Variants in BTG2 observed in about 807,000 individuals in gnomAD.
BTG2 encodes the protein BTG anti-proliferation factor 2.
In BTG2, 9 loss-of-function variants were observed where a neutral mutation model predicts 13.1. That is an observed-to-expected ratio of 0.69 (90% CI 0.41 to 1.20). BTG2 has a LOEUF of 1.20. Among genes scored for constraint, BTG2 ranks in the 50% most tolerant of loss-of-function variants. The probability of loss-of-function intolerance (pLI) is 0.00; values close to 1 mark genes in which losing one functional copy is unlikely to be tolerated. For missense variants in BTG2, 200 were observed against 209.5 expected (o/e 0.95, Z 0.28); for synonymous variants, 92 against 88.6 (o/e 1.04, Z -0.21).
chr1:203,305,925 C>G (rs56053496), intron 1 of BTG2, among the ~76,000 whole-genome samples, 177 bp downstream of exon 1: 1 of 152,296 alleles, frequency 6.6e-6, no homozygotes, highest in African/African-American at 2.4e-5. Flanking sequence ...TCCTCCCCAG[C>G]CCTGTGCTCG....
Position 203,307,643 on chromosome 1 carries a change from G to A in BTG2, c.*205G>A. 1 of 395,264 alleles carries A rather than the reference G, an allele frequency of 2.5e-6. No homozygotes were observed. The highest frequency in any genetic ancestry group is 4.4e-6 in the Non-Finnish European group (1 of 228,174). The allele number at this position is 395,264 out of a possible 1,614,324, so 24.5% of individuals were successfully genotyped here. On this transcript the variant is annotated 3_prime_UTR_variant, in exon 2 of 2. Coordinates refer to ENST00000290551, the MANE Select transcript of BTG2 (RefSeq NM_006763.3). ...GAGCTGCTTGGAAGTGGCCTCCCCAGGTGCCTTTGGAGAGAACTGTTGCGT... is the reference window on the plus strand; with the variant it reads ...GAGCTGCTTGGAAGTGGCCTCCCCAAGTGCCTTTGGAGAGAACTGTTGCGT...
chr1:203,305,534 G>T lies in BTG2; in HGVS notation c.-73G>T. 2 of 1,505,256 alleles carry T rather than the reference G, an allele frequency of 1.3e-6. No individual in the cohort carries two copies. The highest frequency in any genetic ancestry group is 8.9e-7 in the Non-Finnish European group (1 of 1,122,902). The allele number at this position is 1,505,256 out of a possible 1,614,324, so 93.2% of individuals were successfully genotyped here. ...AAGTCCGGGCAGAGCCCGAGCAGCG[G>T]CCAGGGTAACGCTGTCTTGTGGACC... On this transcript the variant is annotated 5_prime_UTR_variant, in exon 1 of 2. Transcript: ENST00000290551.
At chr1:203,306,050 G>A (rs541712261) in intron 1 of BTG2, among the ~76,000 whole-genome samples, 2 of 152,310 alleles carry the variant, frequency 1.3e-5, no homozygotes, top group African/African-American at 2.4e-5. Context: ...CTCATTACGG[G>A]CTCGTCTCCC....
intron 1 of BTG2, among the ~76,000 whole-genome samples, chr1:203,306,092 A>G (rs1658256325): frequency 1.3e-5 from 2 of 151,886 alleles, no homozygotes; most frequent in East Asian, 1.9e-4. Context: ...AAGACCCTCG[A>G]TGGATGTTGT....
In BTG2 at chr1:203,307,428, T is replaced by G. The variant is rs1460397779; in HGVS notation, c.467T>G (p.Val156Gly). 1 of 1,587,818 alleles carries G rather than the reference T, an allele frequency of 6.3e-7. No homozygotes were observed. ...CCCTCCAAGAACTACGTGATGGCAG[T>G]CTCCAGCTAGGCCCTTCCGCCCCCG... Reference protein sequence around the residue: ...SSPSKNYVMAVSS With the variant: ...SSPSKNYVMAGSS Residue 156 changes from valine to glycine, a missense_variant, in exon 2 of 2, where the codon GTC (valine) becomes GGC (glycine). By Grantham distance (109) the Val-to-Gly change is moderately radical (BLOSUM62 -3). Transcript: ENST00000290551.
At chr1:203,305,933 T>A in intron 1 of BTG2, among the ~76,000 whole-genome samples, 185 bp downstream of exon 1, 1 of 152,166 alleles carries the variant, frequency 6.6e-6, no homozygotes, top group South Asian at 2.1e-4. Context: ...AGCCCTGTGC[T>A]CGGGTCTCGG....
chr1:203,309,556 C>A lies in BTG2; in HGVS notation c.*2118C>A, dbSNP rs1393991304. On this transcript the variant is annotated 3_prime_UTR_variant, in exon 2 of 2. Transcript: ENST00000290551. ...TATGGAAGAATGTACAGCTTATGGA[C>A]AAATGTACACCTTTTTGTTACTTTA... 6.6e-6 allele frequency: 1 copy of A among 152,614 alleles called. No homozygotes were observed. Among genetic ancestry groups the A allele is most frequent in the African/African-American group, 2.4e-5 (1 of 41,442 alleles). 9.5% of individuals were successfully genotyped at this position (152,614 alleles called of 1,614,324 possible).
chr1:203,306,224 A>G (rs1658268650), intron 1 of BTG2, among the ~76,000 whole-genome samples: 3 of 152,270 alleles, frequency 2.0e-5, no homozygotes, highest in South Asian at 2.1e-4. Flanking sequence ...TGCCTGGGGT[A>G]GTCCACTGGT....
intron 1 of BTG2, among the ~76,000 whole-genome samples, chr1:203,306,093 T>G (rs1658256360): frequency 6.6e-6 from 1 of 151,812 alleles, no homozygotes; most frequent in African/African-American, 2.4e-5. Flanking sequence ...AGACCCTCGA[T>G]GGATGTTGTT....
chr1:203,307,392 G>A lies in BTG2; in HGVS notation c.431G>A (p.Gly144Asp). Residue 144 changes from glycine to aspartate, a missense_variant, in exon 2 of 2, where the codon GGC (glycine) becomes GAC (aspartate). Gly to Asp is a moderately conservative substitution (Grantham distance 94). Coordinates refer to ENST00000290551, the MANE Select transcript of BTG2 (RefSeq NM_006763.3). The part of the protein sequence containing the change: ...LLTCKNQVLL[G>D]RSSPSKNYVM... ...ACCTGCAAGAACCAAGTGCTGCTGG[G>A]CCGGAGCAGCCCCTCCAAGAACTAC... 1 of 1,606,436 alleles carries A rather than the reference G, an allele frequency of 6.2e-7. No individual in the cohort carries two copies. Among genetic ancestry groups the A allele is most frequent in the Non-Finnish European group, 8.5e-7 (1 of 1,174,210 alleles).
rs376703669 is a variant in BTG2 at position 203,307,129 on chromosome 1, C to T, written c.168C>T (p.Pro56=). The T allele has an allele frequency of 6.8e-6, 11 of 1,614,102 alleles. No individual in the cohort carries two copies. Among genetic ancestry groups the T allele is most frequent in the Non-Finnish European group, 8.5e-6 (10 of 1,179,994 alleles). The change falls in exon 2 of 2, where the codon CCC becomes CCT. Residue 56 remains proline (P), a synonymous_variant. Coordinates refer to ENST00000290551, the MANE Select transcript of BTG2 (RefSeq NM_006763.3). ...AGCACTACAAACACCACTGGTTTCC[C>T]GAAAAGCCGTCCAAGGGCTCCGGCT... ...LTEHYKHHWF[P]EKPSKGSGYR... is the part of the protein sequence containing the mutation.
intron 1 of BTG2, among the ~76,000 whole-genome samples, chr1:203,306,078 T>C (rs2102284199): frequency 6.6e-6 from 1 of 152,114 alleles, no homozygotes; most frequent in South Asian, 2.1e-4. Context: ...ACCCTCGAGA[T>C]CTTAAGACCC....
intron 1 of BTG2, among the ~76,000 whole-genome samples, chr1:203,306,820 A>ACACACT (rs1553281849): frequency 2.8e-5 from 3 of 108,652 alleles, no homozygotes; most frequent in Admixed American, 1.8e-4. Context: ...ACACACACAC[A>ACACACT]CTCTCTCTCT....
intron 1 of BTG2, among the ~76,000 whole-genome samples, chr1:203,306,816 ACACACT>A (rs1454260393): frequency 6.9e-6 from 1 of 143,906 alleles, no homozygotes; most frequent in African/African-American, 2.6e-5. Flanking sequence ...ACACACACAC[ACACACT>A]CTCTCTCTCA....
In BTG2 at chr1:203,307,717, G is replaced by C. The variant is rs1025406868; in HGVS notation, c.*279G>C. ...TGCCTATAGGAGGGGGAGCTGTTAG[G>C]GGGTAGACCTAGCCAAGGAGAAGTG... On this transcript the variant is annotated 3_prime_UTR_variant, in exon 2 of 2. Coordinates refer to ENST00000290551, the MANE Select transcript of BTG2 (RefSeq NM_006763.3). The C allele has an allele frequency of 8.4e-6, 2 of 238,742 alleles. No individual in the cohort carries two copies. The highest frequency in any genetic ancestry group is 5.5e-5 in the Admixed American group (1 of 18,246). 14.8% of individuals were successfully genotyped at this position (238,742 alleles called of 1,614,324 possible). A position where few individuals can be genotyped will look rare whatever the true frequency, so the allele number is the denominator to read the frequency against.
At position 203,305,562 on chromosome 1, in the gene BTG2, C is replaced by T. The variant is rs1658237245; in HGVS notation, c.-45C>T. 2 of 1,576,444 alleles carry T rather than the reference C, an allele frequency of 1.3e-6. No individual in the cohort carries two copies. Among genetic ancestry groups the T allele is most frequent in the African/African-American group, 1.4e-5 (1 of 73,456 alleles). On this transcript the variant is annotated 5_prime_UTR_variant, in exon 1 of 2. Transcript: ENST00000290551. ...AGGGTAACGCTGTCTTGTGGACCCG[C>T]ACTTCCCACCCGAGACCTCTCACTG...
chr1:203,306,310 T>A (rs1658271735), intron 1 of BTG2, among the ~76,000 whole-genome samples: 1 of 152,040 alleles, frequency 6.6e-6, no homozygotes, highest in African/African-American at 2.4e-5. Flanking sequence ...TGCCACCTAT[T>A]GTGGTAGGGA....
intron 1 of BTG2, among the ~76,000 whole-genome samples, chr1:203,306,148 T>C (rs1571500551): frequency 6.6e-6 from 1 of 152,072 alleles, no homozygotes; most frequent in Admixed American, 6.5e-5. Flanking sequence ...GGGAAGAAGG[T>C]GCAGTCGAGC....
At position 203,308,574 on chromosome 1, in the gene BTG2, T is replaced by C. The variant is rs1196065370; in HGVS notation, c.*1136T>C. On this transcript the variant is annotated 3_prime_UTR_variant, in exon 2 of 2. Coordinates refer to ENST00000290551, the MANE Select transcript of BTG2 (RefSeq NM_006763.3). ...GAACCTCCTGATGCCCTGGTGGGCTTAGGGAACCATCTCTCCTGCTCTCCT... is the reference window on the plus strand; with the variant it reads ...GAACCTCCTGATGCCCTGGTGGGCTCAGGGAACCATCTCTCCTGCTCTCCT... 6.6e-6 allele frequency: 1 copy of C among 152,646 alleles called. No homozygotes were observed. The highest frequency in any genetic ancestry group is 1.5e-5 in the Non-Finnish European group (1 of 68,054). The allele number at this position is 152,646 out of a possible 1,614,324, so 9.5% of individuals were successfully genotyped here. A position where few individuals can be genotyped will look rare whatever the true frequency, so the allele number is the denominator to read the frequency against.
Sources: allele counts gnomAD v4.1 joint callset (sites outside exome capture counted in the v4.1 genomes callset), GRCh38; gene constraint gnomAD v4.1.1; transcripts MANE v1.5; gene names NCBI Gene and HGNC (gene_info 2026-07-23, HGNC 2026-07-21).